The following PTPN21 variants were observed in gnomAD, a reference collection of about 807,000 sequenced individuals.
The protein encoded by PTPN21 is tyrosine-protein phosphatase non-receptor type 21.
In PTPN21, 77 loss-of-function variants were observed where a neutral mutation model predicts 131.8. The observed-to-expected ratio is 0.58, with a 90% CI of 0.49 to 0.71. The LOEUF (loss-of-function observed/expected upper bound fraction) is 0.71, where lower values mean the gene tolerates loss of function less well. PTPN21 is among the 30% of genes least tolerant of loss of function. The probability of loss-of-function intolerance (pLI) is 0.00; values close to 1 mark genes in which losing one functional copy is unlikely to be tolerated. For missense variants in PTPN21, 1,552 were observed against 1,527.1 expected, an observed-to-expected ratio of 1.02 and a Z score of -0.27; for synonymous variants, 715 against 621.3, an observed-to-expected ratio of 1.15 and a Z score of -2.24.
In PTPN21 at chr14:88,468,277, G is replaced by C; in HGVS notation, c.3397-12C>G. 2 of 1,587,792 alleles carry C rather than the reference G, an allele frequency of 1.3e-6. No homozygotes were observed. The highest frequency in any genetic ancestry group is 1.7e-6 in the Non-Finnish European group (2 of 1,168,062). ...GGGATGTCCAGCACCTAGGTTGAGA[G>C]AAACGGTAATGAAGATAATGTGTTC... is the stretch of plus-strand genomic sequence containing the variant. On this transcript the variant is annotated splice_polypyrimidine_tract_variant and intron_variant, in intron 18 of 18. Transcript: ENST00000556564.
intron 12 of PTPN21, among the ~76,000 whole-genome samples, chr14:88,483,132 A>G (rs934479684): frequency 6.6e-6 from 1 of 151,554 alleles, no homozygotes; most frequent in Non-Finnish European, 1.5e-5. Flanking sequence ...GAATGGCGTG[A>G]ACCCAGGAGG....
intron 2 of PTPN21, among the ~76,000 whole-genome samples, chr14:88,532,775 G>A (rs1006055156): frequency 2.6e-5 from 4 of 152,088 alleles, no homozygotes; most frequent in Non-Finnish European, 5.9e-5. Context: ...TAGCAAAGGA[G>A]AACACGTACA....
intron 13 of PTPN21, among the ~76,000 whole-genome samples, chr14:88,474,143 A>C (rs1490730776): frequency 9.9e-5 from 14 of 140,958 alleles, no homozygotes; most frequent in Admixed American, 7.5e-4. Context: ...AAAAAAAAAA[A>C]AAAAAAAAAA....
Position 88,531,583 on chromosome 14 carries a change from T to C in PTPN21, c.181-14322A>G, listed in dbSNP as rs115650113. Among the ~76,000 whole-genome samples the C allele has an allele frequency of 2.3e-3, 347 of 152,088 alleles. 2 individuals are homozygous for C. The highest frequency in any genetic ancestry group is 7.5e-3 in the African/African-American group (310 of 41,494). ...AAAAAACAAACAAACAAAAAACCTC[T>C]GTGATACAGCAAAAGCAGCTCTAAG... On this transcript the variant is annotated intron_variant, in intron 2 of 18. Coordinates refer to ENST00000556564, the MANE Select transcript of PTPN21 (RefSeq NM_007039.4).
chr14:88,504,318 T>G lies in PTPN21; in HGVS notation c.587+107A>C, dbSNP rs540888900. ...AGTGGCAGTAATGTTCCAAATTTAGTTGGGCAAATAAATATTAATCATGTA... is the reference window on the plus strand; with the variant it reads ...AGTGGCAGTAATGTTCCAAATTTAGGTGGGCAAATAAATATTAATCATGTA... On this transcript the variant is annotated intron_variant, in intron 6 of 18. Coordinates refer to ENST00000556564, the MANE Select transcript of PTPN21 (RefSeq NM_007039.4). 52 of 914,992 alleles carry G rather than the reference T, an allele frequency of 5.7e-5. 1 individual carries two copies. The South Asian group carries it at 5.7e-4, about 10-fold the overall frequency. The allele number at this position is 914,992 out of a possible 1,614,324, so 56.7% of individuals were successfully genotyped here. A position where few individuals can be genotyped will look rare whatever the true frequency, so the allele number is the denominator to read the frequency against.
chr14:88,470,808 A>G (rs2077452403), intron 15 of PTPN21, among the ~76,000 whole-genome samples: 1 of 152,184 alleles, frequency 6.6e-6, no homozygotes, highest in African/African-American at 2.4e-5. Flanking sequence ...ACTAGGGAGG[A>G]GGAGGGGACT....
At chr14:88,520,410 T>TA (rs67513989) in intron 2 of PTPN21, among the ~76,000 whole-genome samples, 10,109 of 146,852 alleles carry the variant, frequency 0.069, 429 homozygotes, top group Middle Eastern at 0.1. Context: ...GACTCTGCCT[T>TA]AAAAAAAAAA....
At chr14:88,484,675 G>C (rs111340563) in intron 12 of PTPN21, among the ~76,000 whole-genome samples, 5,603 of 152,136 alleles carry the variant, frequency 0.037, 348 homozygotes, top group African/African-American at 0.13. Flanking sequence ...GATCATCTGA[G>C]GTCAGGAGTT....
rs185949668 is a variant in PTPN21, at chr14:88,536,558, G to A, written c.180+13680C>T. ...AGCACCCAAATCATAGTCCCCTAAG[G>A]AGACGTCAGCTATTAAAAGCAGGTC... On this transcript the variant is annotated intron_variant, in intron 2 of 18. Transcript: ENST00000556564. Among the ~76,000 whole-genome samples, 26 of 152,272 alleles carry A rather than the reference G, an allele frequency of 1.7e-4. 2 individuals are homozygous for A. Among genetic ancestry groups the A allele is most frequent in the Admixed American group, 1.6e-3 (24 of 15,300 alleles).
rs533545600 is a variant in PTPN21, at chr14:88,542,900, C to T, written c.180+7338G>A. 1.3e-4 allele frequency among the ~76,000 whole-genome samples: 20 copies of T among 152,288 alleles called. No individual in the cohort carries two copies. In the East Asian group the frequency reaches 3.5e-3, roughly 26 times the overall value. On this transcript the variant is annotated intron_variant, in intron 2 of 18. Coordinates refer to ENST00000556564, the MANE Select transcript of PTPN21 (RefSeq NM_007039.4). ...TATTCACAGATTCTTGTCTCTACCT[C>T]GGTCTTACTTGTTTTATAACGTACA...
rs2297127 is a variant in PTPN21, at chr14:88,473,948, C to T, written c.2512-146G>A. The T allele has an allele frequency of 4.8e-6, 3 of 618,852 alleles. No homozygotes were observed. In the East Asian group the frequency reaches 9.2e-5, roughly 19 times the overall value. The allele number at this position is 618,852 out of a possible 1,614,324, so 38.3% of individuals were successfully genotyped here. ...CAGAAAGATTACACTCCTTCACACACCACTTGTTTAACAAACATTAGTAGG... is the reference window on the plus strand; with the variant it reads ...CAGAAAGATTACACTCCTTCACACATCACTTGTTTAACAAACATTAGTAGG... On this transcript the variant is annotated intron_variant, in intron 13 of 18. Transcript: ENST00000556564.
At chr14:88,510,915 ATTTTTT>A (rs34231515) in intron 3 of PTPN21, among the ~76,000 whole-genome samples, 4 of 144,320 alleles carry the variant, frequency 2.8e-5, no homozygotes, top group African/African-American at 1.0e-4. Flanking sequence ...AGACAGATAG[ATTTTTT>A]TTTTTTTTTG....
At chr14:88,531,962 C>T (rs1360722170) in intron 2 of PTPN21, among the ~76,000 whole-genome samples, 1 of 152,104 alleles carries the variant, frequency 6.6e-6, no homozygotes, top group African/African-American at 2.4e-5. Flanking sequence ...TCATTCAAGT[C>T]TACTATGAAC....
At chr14:88,498,541 T>C (rs2077960107) in intron 8 of PTPN21, among the ~76,000 whole-genome samples, 1 of 152,182 alleles carries the variant, frequency 6.6e-6, no homozygotes. Context: ...TGCCAGAAAT[T>C]GCAGTAGGTC....
intron 13 of PTPN21, among the ~76,000 whole-genome samples, chr14:88,476,311 C>T (rs930443134): frequency 6.6e-6 from 1 of 152,142 alleles, no homozygotes; most frequent in African/African-American, 2.4e-5. Context: ...ATATATGATG[C>T]CACCTCACAG....
At chr14:88,470,924 C>G (rs1257510238) in intron 15 of PTPN21, among the ~76,000 whole-genome samples, 1 of 152,164 alleles carries the variant, frequency 6.6e-6, no homozygotes, top group Non-Finnish European at 1.5e-5. Flanking sequence ...CATTTTAGAT[C>G]TAGGCGTCAG....
rs1304902050 is a variant in PTPN21 at position 88,467,477 on chromosome 14, A to G, written c.*660T>C. On this transcript the variant is annotated 3_prime_UTR_variant, in exon 19 of 19. Transcript: ENST00000556564. The stretch of plus-strand genomic sequence containing the variant: ...AATGAATTGAGCTCTCATTTGAAAA[A>G]CAGAAGGTACAACTATATAGAATTT... 1.3e-5 allele frequency: 2 copies of G among 151,274 alleles called. No homozygotes were observed. The highest frequency in any genetic ancestry group is 2.9e-5 in the Non-Finnish European group (2 of 68,054). 9.4% of individuals were successfully genotyped at this position (151,274 alleles called of 1,614,324 possible).
chr14:88,513,729 TATA>T (rs1482390124), intron 3 of PTPN21: 1 of 152,204 alleles, frequency 6.6e-6, no homozygotes, highest in Non-Finnish European at 1.5e-5. Flanking sequence ...CTACCCAGTC[TATA>T]ATATTTTGTT....
In PTPN21 at chr14:88,479,773, G is replaced by C. The variant is rs779064863; in HGVS notation, c.1658C>G (p.Pro553Arg). The C allele has an allele frequency of 1.2e-5, 19 of 1,546,040 alleles. No homozygotes were observed. Among genetic ancestry groups the C allele is most frequent in the Non-Finnish European group, 1.6e-5 (18 of 1,153,176 alleles). ...TNAQLQAQDYPSPNIMRTQVY... is the reference protein window; with the variant it reads ...TNAQLQAQDYRSPNIMRTQVY... ...CTGCGTCCGCATGATGTTGGGAGAC[G>C]GGTAGTCCTGCGCCTGCAGCTGCGC... The change falls in exon 13 of 19, where the codon CCG becomes CGG. Residue 553 changes from proline (P) to arginine (R), a missense_variant. Transcript: ENST00000556564.
Sources: allele counts gnomAD v4.1 joint callset (sites outside exome capture counted in the v4.1 genomes callset), GRCh38; gene constraint gnomAD v4.1.1; transcripts MANE v1.5; gene names NCBI Gene and HGNC (gene_info 2026-07-23, HGNC 2026-07-21).